Variants in MKLN1 observed in about 807,000 individuals in gnomAD.
MKLN1 encodes muskelin.
In MKLN1, 18 loss-of-function variants were observed where a neutral mutation model predicts 99.0. That is an observed-to-expected ratio of 0.18 (90% CI 0.13 to 0.27). The LOEUF (loss-of-function observed/expected upper bound fraction) is 0.27, where lower values mean the gene tolerates loss of function less well. Among genes scored for constraint, MKLN1 ranks in the 10% least tolerant of loss-of-function variants. The probability of loss-of-function intolerance (pLI) is 1.00; values close to 1 mark genes in which losing one functional copy is unlikely to be tolerated. For missense variants in MKLN1, 621 were observed against 875.9 expected (o/e 0.71, Z 3.67); for synonymous variants, 288 against 293.2 (o/e 0.98, Z 0.18).
intron 3 of MKLN1, among the ~76,000 whole-genome samples, chr7:131,224,997 C>G (rs1367283278): frequency 1.3e-5 from 2 of 150,836 alleles, no homozygotes; most frequent in East Asian, 3.9e-4. Context: ...GGTGCGAACC[C>G]GGGAGGCGGA....
At chr7:131,452,380 T>C (rs1239009240) in intron 12 of MKLN1, among the ~76,000 whole-genome samples, 1 of 152,144 alleles carries the variant, frequency 6.6e-6, no homozygotes, top group African/African-American at 2.4e-5. Flanking sequence ...TATGTGAGTT[T>C]ACATCTACAG....
At chr7:131,327,868 C>G, upstream of MKLN1, 1 of 1,605,792 alleles carries the variant, frequency 6.2e-7, no homozygotes, top group South Asian at 1.1e-5. Context: ...TCGCTGCCAG[C>G]GGTCGGTGGC....
intron 9 of MKLN1, among the ~76,000 whole-genome samples, chr7:131,430,852 T>C (rs1008327824): frequency 6.6e-6 from 1 of 152,160 alleles, no homozygotes; most frequent in East Asian, 1.9e-4. Context: ...TGCTTGAGGA[T>C]TGGAGGTGGA....
At chr7:131,383,000 G>A (rs973734927) in intron 2 of MKLN1, among the ~76,000 whole-genome samples, 1 of 152,168 alleles carries the variant, frequency 6.6e-6, no homozygotes, top group African/African-American at 2.4e-5. Flanking sequence ...TGGGATTACA[G>A]GCATGAGCCA....
intron 3 of MKLN1, among the ~76,000 whole-genome samples, chr7:131,306,426 T>C (rs1005799261): frequency 2.6e-5 from 4 of 152,218 alleles, no homozygotes; most frequent in Non-Finnish European, 4.4e-5. Context: ...ACTTGTTGAA[T>C]GGTTTTGACC....
At chr7:131,115,014 G>C (rs1366160589) in intron 1 of MKLN1, among the ~76,000 whole-genome samples, 1 of 152,068 alleles carries the variant, frequency 6.6e-6, no homozygotes, top group Non-Finnish European at 1.5e-5. Context: ...TGTTGTGTTC[G>C]GCAAGAAGGA....
Position 131,346,678 on chromosome 7 carries a change from G to A in MKLN1, c.98+18681G>A, listed in dbSNP as rs1584631043. On this transcript the variant is annotated intron_variant, in intron 1 of 17. Transcript: ENST00000352689. ...AGAGGGTACTTGAGCAGAAAAGCTT[G>A]TGCACCATTAACTGACAGCAGTTTG... is the stretch of plus-strand genomic sequence containing the variant. Among the ~76,000 whole-genome samples the A allele has an allele frequency of 2.0e-5, 3 of 152,316 alleles. No individual in the cohort carries two copies. In the East Asian group the frequency reaches 5.8e-4, roughly 29 times the overall value.
chr7:131,214,706 C>G (rs574001804), intron 3 of MKLN1, among the ~76,000 whole-genome samples: 1 of 152,114 alleles, frequency 6.6e-6, no homozygotes. Flanking sequence ...TTGACCCTTT[C>G]GTTTTCTACA....
intron 1 of MKLN1, chr7:131,142,682 C>A (rs1265924821): frequency 3.5e-6 from 1 of 282,266 alleles, no homozygotes; most frequent in Non-Finnish European, 7.0e-6. Flanking sequence ...TTGCAGTGAG[C>A]TGAGATCGCC....
At chr7:131,436,343 T>A (rs1658423377) in intron 9 of MKLN1, among the ~76,000 whole-genome samples, 1 of 152,206 alleles carries the variant, frequency 6.6e-6, no homozygotes, top group Non-Finnish European at 1.5e-5. Flanking sequence ...TCATAAATTG[T>A]CTCCTCTGTC....
At chr7:131,187,584 A>G (rs527898777) in intron 2 of MKLN1, among the ~76,000 whole-genome samples, 4 of 152,336 alleles carry the variant, frequency 2.6e-5, no homozygotes, top group Admixed American at 6.5e-5. Flanking sequence ...CAGAGACTAT[A>G]CAGCCTGCAA....
chr7:131,127,699 T>A (rs1795485568), intron 1 of MKLN1, among the ~76,000 whole-genome samples: 1 of 152,208 alleles, frequency 6.6e-6, no homozygotes, highest in Non-Finnish European at 1.5e-5. Flanking sequence ...GAGCATAGTA[T>A]GTGTCTACCA....
intron 12 of MKLN1, among the ~76,000 whole-genome samples, chr7:131,455,781 C>T (rs1262865972): frequency 6.6e-6 from 1 of 152,164 alleles, no homozygotes; most frequent in East Asian, 1.9e-4. Context: ...CATGGTGGCT[C>T]TTGCCTGTAA....
At chr7:131,184,729 A>G (rs1167052814) in intron 2 of MKLN1, among the ~76,000 whole-genome samples, 1 of 151,974 alleles carries the variant, frequency 6.6e-6, no homozygotes, top group Non-Finnish European at 1.5e-5. Flanking sequence ...GTTTCACCAC[A>G]TTGGCCAGGC....
At chr7:131,463,637 G>A (rs1796580446) in intron 13 of MKLN1, among the ~76,000 whole-genome samples, 1 of 152,182 alleles carries the variant, frequency 6.6e-6, no homozygotes, top group Non-Finnish European at 1.5e-5. Context: ...AAGTAGATGT[G>A]TGAACTTGAG....
In MKLN1 at chr7:131,318,764, TCA is replaced by T. The variant is rs538860007; in HGVS notation, c.-178-56658_-178-56657del. Among the ~76,000 whole-genome samples the T allele has an allele frequency of 1.8e-3, 281 of 152,070 alleles. 3 individuals are homozygous for T. The highest frequency in any genetic ancestry group is 6.6e-3 in the African/African-American group (275 of 41,502). On this transcript the variant is annotated intron_variant, in intron 3 of 7. Coordinates refer to the MKLN1 transcript ENST00000416992. ...ACAATAAAAAATGATAAAGGGGATATCACCACTGATCCCACAGAAATACAAAC... is the reference window on the plus strand; with the variant it reads ...ACAATAAAAAATGATAAAGGGGATATCCACTGATCCCACAGAAATACAAAC...
intron 1 of MKLN1, among the ~76,000 whole-genome samples, chr7:131,129,071 G>T (rs1250585622): frequency 6.6e-6 from 1 of 151,630 alleles, no homozygotes; most frequent in African/African-American, 2.4e-5. Flanking sequence ...AACAACAAAA[G>T]GCAAAAAGGA....
intron 3 of MKLN1, among the ~76,000 whole-genome samples, chr7:131,290,986 C>T (rs927972510): frequency 2.0e-5 from 3 of 152,138 alleles, no homozygotes; most frequent in African/African-American, 7.2e-5. Flanking sequence ...ATATCATCAT[C>T]ACCATGGTAC....
rs1793728302 is a variant in MKLN1, at chr7:131,378,315, T to G, written c.168+2822T>G. Among the ~76,000 whole-genome samples, 3 of 152,230 alleles carry G rather than the reference T, an allele frequency of 2.0e-5. 1 individual carries two copies. The highest frequency in any genetic ancestry group is 2.0e-4 in the Admixed American group (3 of 15,288). ...TTAGTAGATACTGGGTTTCACCATG[T>G]TGGTCAGGCTGGCCTTGAATTCCTG... On this transcript the variant is annotated intron_variant, in intron 2 of 17. Transcript: ENST00000352689.
Sources: gnomAD v4.1 joint callset for allele counts (sites outside exome capture counted in the v4.1 genomes callset) on GRCh38, gnomAD v4.1.1 for gene constraint, MANE v1.5 for transcripts, NCBI Gene and HGNC (gene_info 2026-07-23, HGNC 2026-07-21) for gene names.